The following NPM1 variants were observed in gnomAD, a reference collection of about 807,000 sequenced individuals.
NPM1 encodes the protein nucleophosmin.
In NPM1, 1 loss-of-function variant was observed where a neutral mutation model predicts 44.1. The ratio of observed to expected loss-of-function variants is 0.02; its 90% CI spans 0.01 to 0.11. The LOEUF (loss-of-function observed/expected upper bound fraction) is 0.11. Among genes scored for constraint, NPM1 ranks in the 10% least tolerant of loss-of-function variants. The pLI, the probability that NPM1 is intolerant of heterozygous loss-of-function variation, is 1.00. For synonymous variants in NPM1, 126 were observed against 111.8 expected (o/e 1.13, Z -0.80); for missense variants, 197 against 347.8 (o/e 0.57, Z 3.45).
chr5:171,390,292 G>T (rs952114391), intron 2 of NPM1, 162 bp downstream of exon 2: 64 of 477,682 alleles, frequency 1.3e-4, no homozygotes, highest in African/African-American at 1.2e-3. Context: ...CATCTTTGAA[G>T]AACTTGGCAT....
At chr5:171,398,880 TG>T (rs1363623347) in intron 6 of NPM1, among the ~76,000 whole-genome samples, 13 of 152,232 alleles carry the variant, frequency 8.5e-5, no homozygotes, top group Non-Finnish European at 1.3e-4. Flanking sequence ...TTTATTTTTT[TG>T]AAATGAGTCT....
At chr5:171,407,872 A>G (rs1322836948) in intron 10 of NPM1, 98 bp downstream of exon 10, 1 of 721,278 alleles carries the variant, frequency 1.4e-6, no homozygotes, top group Non-Finnish European at 2.4e-6. Context: ...CTTTTTAAAA[A>G]GTTCCTAACC....
intron 1 of NPM1, 131 bp downstream of exon 1, chr5:171,388,137 T>G (rs1770357577): frequency 1.1e-5 from 9 of 809,116 alleles, no homozygotes; most frequent in East Asian, 5.4e-5. Flanking sequence ...CCTGAGCGGG[T>G]GGGAAGAGCT....
intron 4 of NPM1, among the ~76,000 whole-genome samples, chr5:171,392,028 C>A (rs866229273): frequency 6.6e-6 from 1 of 152,070 alleles, no homozygotes; most frequent in African/African-American, 2.4e-5. Flanking sequence ...ACTGGAACCT[C>A]TCCGGGATTC....
At chr5:171,404,244 C>G (rs1477255416) in intron 8 of NPM1, among the ~76,000 whole-genome samples, 1 of 106,598 alleles carries the variant, frequency 9.4e-6, no homozygotes, top group African/African-American at 3.7e-5. Flanking sequence ...GACCCCCCCC[C>G]ACCTCCCTCC....
At chr5:171,404,465 G>A (rs1346500184) in intron 8 of NPM1, among the ~76,000 whole-genome samples, 1 of 83,968 alleles carries the variant, frequency 1.2e-5, no homozygotes, top group Non-Finnish European at 2.4e-5. Flanking sequence ...ACGGGGTCTC[G>A]GCCGGGCAGA....
chr5:171,397,317 G>A (rs140585838), intron 6 of NPM1, among the ~76,000 whole-genome samples: 1 of 152,294 alleles, frequency 6.6e-6, no homozygotes, highest in East Asian at 1.9e-4. Context: ...TCTACTTGTT[G>A]ACTGCTATGA....
In NPM1 at chr5:171,388,030, C is replaced by T. The variant is rs752546879; in HGVS notation, c.58+24C>T. On this transcript the variant is annotated intron_variant, in intron 1 of 10. Coordinates refer to ENST00000296930, the MANE Select transcript of NPM1 (RefSeq NM_002520.7). The stretch of plus-strand genomic sequence containing the variant: ...CGGTAACTGCTGGGGGGAGCTGGAG[C>T]GAGGCCGAGCGGGGCCTGGTGGCGG... 7.3e-6 allele frequency: 10 copies of T among 1,378,160 alleles called. No homozygotes were observed. In the South Asian group the frequency reaches 1.2e-4, roughly 16 times the overall value. 85.4% of individuals were successfully genotyped at this position (1,378,160 alleles called of 1,614,324 possible).
chr5:171,400,686 T>TCCCAC, intron 7 of NPM1, 153 bp from the exon 8 acceptor site: 1 of 557,364 alleles, frequency 1.8e-6, no homozygotes, highest in Non-Finnish European at 3.2e-6. Context: ...GACCTCGTGA[T>TCCCAC]CCACCTGCCT....
intron 2 of NPM1, 55 bp from the exon 3 acceptor site, chr5:171,391,250 G>T (rs534821853): frequency 2.5e-6 from 4 of 1,589,140 alleles, no homozygotes; most frequent in Middle Eastern, 4.0e-4. Flanking sequence ...TTAGTGGGGG[G>T]GTGTAAAATA....
intron 10 of NPM1, among the ~76,000 whole-genome samples, chr5:171,408,417 G>A (rs1014551502): frequency 4.6e-5 from 7 of 152,176 alleles, no homozygotes; most frequent in African/African-American, 1.7e-4. Context: ...GAGAACGGAT[G>A]CTGCATTTAA....
At chr5:171,410,486 G>A in intron 10 of NPM1, 41 bp from the exon 11 acceptor site, 1 of 1,318,368 alleles carries the variant, frequency 7.6e-7, no homozygotes, top group Non-Finnish European at 1.1e-6. Context: ...TCTATGAAGT[G>A]TTGTGGTTCC....
At chr5:171,405,903 A>G (rs148390625) in intron 9 of NPM1, among the ~76,000 whole-genome samples, 1 of 152,308 alleles carries the variant, frequency 6.6e-6, no homozygotes, top group Non-Finnish European at 1.5e-5. Context: ...CAGTTAATAC[A>G]TGTAGTAATA....
intron 1 of NPM1, among the ~76,000 whole-genome samples, chr5:171,388,999 A>T (rs1388686713): frequency 6.6e-6 from 1 of 152,222 alleles, no homozygotes; most frequent in Non-Finnish European, 1.5e-5. Flanking sequence ...TGCGGCATTG[A>T]CCAAACTGCT....
In NPM1 at chr5:171,387,923, C is replaced by G. The variant is rs1318865938; in HGVS notation, c.-26C>G. Reference sequence around the variant, plus strand: ...TCTTTTATCTCCGTCCGCCTTCTCTCCTACCTAAGTGCGTGCCGCCACCCG... The same window carrying G: ...TCTTTTATCTCCGTCCGCCTTCTCTGCTACCTAAGTGCGTGCCGCCACCCG... On this transcript the variant is annotated 5_prime_UTR_variant, in exon 1 of 11. Coordinates refer to ENST00000296930, the MANE Select transcript of NPM1 (RefSeq NM_002520.7). 1 of 1,608,194 alleles carries G rather than the reference C, an allele frequency of 6.2e-7. No homozygotes were observed. Among genetic ancestry groups the G allele is most frequent in the Non-Finnish European group, 8.5e-7 (1 of 1,176,470 alleles).
chr5:171,397,729 T>G (rs1770984110), intron 6 of NPM1, among the ~76,000 whole-genome samples: 1 of 152,094 alleles, frequency 6.6e-6, no homozygotes, highest in Non-Finnish European at 1.5e-5. Context: ...ACTCCTGTCT[T>G]CAGTGATCCA....
In NPM1 at chr5:171,406,603, T is replaced by C. The variant is rs1483436759; in HGVS notation, c.772-1097T>C. 3.6e-6 allele frequency: 5 copies of C among 1,387,078 alleles called. No individual in the cohort carries two copies. The Admixed American group carries it at 1.5e-4, about 42-fold the overall frequency. The allele number at this position is 1,387,078 out of a possible 1,614,324, so 85.9% of individuals were successfully genotyped here. A position where few individuals can be genotyped will look rare whatever the true frequency, so the allele number is the denominator to read the frequency against. On this transcript the variant is annotated intron_variant, in intron 9 of 10. Coordinates refer to ENST00000296930, the MANE Select transcript of NPM1 (RefSeq NM_002520.7). The stretch of plus-strand genomic sequence containing the variant: ...CTTGGTTCCCTAAAGCACTTTCTTC[T>C]GACTGCTGTGATTCAGTGAACCTTG...
intron 10 of NPM1, among the ~76,000 whole-genome samples, chr5:171,408,053 A>G (rs913196299): frequency 1.3e-5 from 2 of 151,392 alleles, no homozygotes; most frequent in African/African-American, 4.9e-5. Flanking sequence ...TTTTGGTACT[A>G]TGTTGGTTAA....
chr5:171,388,078 G>GGGGGGGGGGGGA, intron 1 of NPM1, 72 bp downstream of exon 1: 1 of 616,752 alleles, frequency 1.6e-6, no homozygotes. Context: ...TGAGGGGCGG[G>GGGGGGGGGGGGA]AATCCGGCTG....
Sources: allele counts gnomAD v4.1 joint callset (sites outside exome capture counted in the v4.1 genomes callset), GRCh38; gene constraint gnomAD v4.1.1; transcripts MANE v1.5; gene names NCBI Gene and HGNC (gene_info 2026-07-23, HGNC 2026-07-21).